Variants in PTPRD observed in about 807,000 individuals in gnomAD.
PTPRD encodes the protein protein tyrosine phosphatase receptor type D.
A neutral mutation model predicts 214.5 loss-of-function variants in PTPRD; 34 were observed. That is an observed-to-expected ratio of 0.16 (90% CI 0.12 to 0.21). PTPRD has a LOEUF of 0.21. Ranked by LOEUF, PTPRD falls within the 10% of genes least tolerant of loss-of-function variation. The probability of loss-of-function intolerance (pLI) is 1.00; values close to 1 mark genes in which losing one functional copy is unlikely to be tolerated. For synonymous variants in PTPRD, 1,128 were observed against 845.7 expected (o/e 1.33, Z -5.79); for missense variants, 2,545 against 2,398.7 (o/e 1.06, Z -1.27).
chr9:9,768,754 A>T (rs2098727144), intron 5 of PTPRD, among the ~76,000 whole-genome samples: 1 of 152,220 alleles, frequency 6.6e-6, no homozygotes, highest in African/African-American at 2.4e-5. Flanking sequence ...AGCCATGAAA[A>T]CAAAAGTATG....
intron 3 of PTPRD, among the ~76,000 whole-genome samples, chr9:10,236,384 T>A (rs1436905014): frequency 6.6e-6 from 1 of 151,994 alleles, no homozygotes; most frequent in Non-Finnish European, 1.5e-5. Flanking sequence ...ACAGTTAGGC[T>A]TAAAATGGAT....
chr9:9,651,854 T>A (rs77339852), intron 7 of PTPRD, among the ~76,000 whole-genome samples: 1 of 138,632 alleles, frequency 7.2e-6, no homozygotes, highest in East Asian at 2.1e-4. Flanking sequence ...TTTTTTTTTT[T>A]AATGGAGTCT....
intron 4 of PTPRD, among the ~76,000 whole-genome samples, chr9:9,941,227 A>C (rs928963041): frequency 1.3e-5 from 2 of 152,172 alleles, no homozygotes; most frequent in African/African-American, 4.8e-5. Flanking sequence ...CTATATGACT[A>C]TGAGGGAAGG....
Position 8,328,787 on chromosome 9 carries a change from C to G in PTPRD, c.5534+2795G>C, listed in dbSNP as rs577115909. On this transcript the variant is annotated intron_variant, in intron 44 of 45. Coordinates refer to ENST00000381196, the MANE Select transcript of PTPRD (RefSeq NM_002839.4). ...TTATTTCATTGAGTTGATCTTCAAT[C>G]TCGGACATCCGTTCTTCCACTTGAT... 2.0e-5 allele frequency among the ~76,000 whole-genome samples: 3 copies of G among 152,176 alleles called. No individual in the cohort carries two copies. The East Asian group carries it at 5.8e-4, about 30-fold the overall frequency.
intron 3 of PTPRD, among the ~76,000 whole-genome samples, chr9:10,291,526 G>C (rs1210855787): frequency 2.6e-5 from 4 of 152,166 alleles, no homozygotes; most frequent in East Asian, 3.9e-4. Flanking sequence ...TTTTACCATA[G>C]AGAGGAGAAT....
intron 11 of PTPRD, among the ~76,000 whole-genome samples, chr9:8,886,974 C>T (rs770364435): frequency 1.3e-5 from 2 of 152,172 alleles, no homozygotes; most frequent in Non-Finnish European, 2.9e-5. Context: ...TAACTGATTA[C>T]TTCCTAGGCA....
At chr9:10,572,158 T>C (rs1336329487) in intron 2 of PTPRD, among the ~76,000 whole-genome samples, 3 of 152,120 alleles carry the variant, frequency 2.0e-5, no homozygotes, top group Admixed American at 6.6e-5. Flanking sequence ...GACTAAGAAC[T>C]CATGTACCTG....
intron 7 of PTPRD, among the ~76,000 whole-genome samples, chr9:9,633,992 ATGT>A (rs2095674251): frequency 1.3e-5 from 2 of 152,278 alleles, no homozygotes; most frequent in Admixed American, 1.3e-4. Context: ...GGAGAAAAAC[ATGT>A]TATCTGAATA....
intron 11 of PTPRD, among the ~76,000 whole-genome samples, chr9:8,884,693 T>G (rs186269448): frequency 2.0e-4 from 30 of 152,302 alleles, no homozygotes; most frequent in African/African-American, 5.3e-4. Flanking sequence ...CAAATTGAAA[T>G]CCACAATAGA....
intron 4 of PTPRD, among the ~76,000 whole-genome samples, chr9:9,969,611 A>G (rs1460936252): frequency 6.6e-6 from 1 of 152,192 alleles, no homozygotes; most frequent in East Asian, 1.9e-4. Context: ...ACAGAATGAG[A>G]TCAAAGAACA....
intron 2 of PTPRD, among the ~76,000 whole-genome samples, chr9:10,584,437 A>G (rs2073218352): frequency 6.6e-6 from 1 of 152,154 alleles, no homozygotes; most frequent in South Asian, 2.1e-4. Context: ...ATTTTCCTCA[A>G]TAAAACACCT....
At chr9:10,481,394 T>C (rs77285354) in intron 2 of PTPRD, among the ~76,000 whole-genome samples, 1 of 152,328 alleles carries the variant, frequency 6.6e-6, no homozygotes, top group South Asian at 2.1e-4. Flanking sequence ...CTGATATTCA[T>C]ATTGAATATA....
chr9:8,936,003 T>G (rs1389476747), intron 11 of PTPRD: 1 of 152,218 alleles, frequency 6.6e-6, no homozygotes, highest in African/African-American at 2.4e-5. Context: ...CTTGGCTACA[T>G]GGCTTGACAT....
chr9:8,759,997 A>G (rs997663885), intron 11 of PTPRD, among the ~76,000 whole-genome samples: 1 of 152,218 alleles, frequency 6.6e-6, no homozygotes, highest in Non-Finnish European at 1.5e-5. Context: ...ACTAATCAGG[A>G]GAAGATTATT....
intron 43 of PTPRD, among the ~76,000 whole-genome samples, chr9:8,333,093 G>A (rs984733905): frequency 6.6e-6 from 1 of 152,128 alleles, no homozygotes; most frequent in African/African-American, 2.4e-5. Context: ...GATGTTATTT[G>A]GGGATGGAGA....
rs1001425328 is a variant in PTPRD at position 10,612,978 on chromosome 9, C to T, written c.-998G>A. 2.0e-5 allele frequency among the ~76,000 whole-genome samples: 3 copies of T among 151,384 alleles called. No individual in the cohort carries two copies. The highest frequency in any genetic ancestry group is 4.4e-5 in the Non-Finnish European group (3 of 67,788). On this transcript the variant is annotated 5_prime_UTR_variant, in exon 1 of 46. Transcript: ENST00000381196. ...GCACTCGCTCGCTCGCTCGCTGGCG[C>T]TCCCTCCTCGTCTCGCTCGCACTCA... is the stretch of plus-strand genomic sequence containing the variant.
At chr9:8,754,057 A>T (rs528335416) in intron 11 of PTPRD, among the ~76,000 whole-genome samples, 3 of 152,280 alleles carry the variant, frequency 2.0e-5, no homozygotes, top group South Asian at 2.1e-4. Context: ...AAGCAGGAGA[A>T]TCACTTGAAA....
intron 2 of PTPRD, among the ~76,000 whole-genome samples, chr9:10,579,595 T>G (rs76812958): frequency 0.039 from 5,964 of 152,254 alleles, 156 homozygotes; most frequent in East Asian, 0.1. Flanking sequence ...ATGAGTGTTT[T>G]TGGTAGAACG....
intron 3 of PTPRD, among the ~76,000 whole-genome samples, chr9:10,076,198 G>T (rs1229156073): frequency 6.6e-6 from 1 of 152,048 alleles, no homozygotes; most frequent in Non-Finnish European, 1.5e-5. Context: ...TGCACTGCCT[G>T]CCGCCTCTAT....
Sources: gnomAD v4.1 joint callset for allele counts (sites outside exome capture counted in the v4.1 genomes callset) on GRCh38, gnomAD v4.1.1 for gene constraint, MANE v1.5 for transcripts, NCBI Gene and HGNC (gene_info 2026-07-23, HGNC 2026-07-21) for gene names.